The following FER variants were observed in gnomAD, a reference collection of about 807,000 sequenced individuals.
FER encodes FER tyrosine kinase, also known as tyrosine-protein kinase Fer.
FER carries 63 observed loss-of-function variants against 111.0 expected under a neutral mutation model. The observed-to-expected ratio is 0.57, with a 90% CI of 0.46 to 0.70. The LOEUF is 0.70. Among genes scored for constraint, FER ranks in the 30% least tolerant of loss-of-function variants. The pLI, the probability that FER is intolerant of heterozygous loss-of-function variation, is 0.00. For synonymous variants in FER, 327 were observed against 313.9 expected (o/e 1.04, Z -0.44); for missense variants, 914 against 954.0 (o/e 0.96, Z 0.55).
intron 2 of FER, chr5:108,785,508 C>A (rs565572710): frequency 2.4e-4 from 138 of 564,380 alleles, no homozygotes; most frequent in African/African-American, 2.3e-3. Context: ...GCTGGCTACA[C>A]AGACAACCTG....
chr5:109,098,135 C>A (rs1340460758), intron 16 of FER, among the ~76,000 whole-genome samples: 1 of 151,754 alleles, frequency 6.6e-6, no homozygotes, highest in African/African-American at 2.4e-5. Flanking sequence ...TTGTCTATAG[C>A]TCTGCTTTCC....
At chr5:108,928,433 A>G (rs1754090769) in intron 10 of FER, among the ~76,000 whole-genome samples, 1 of 152,240 alleles carries the variant, frequency 6.6e-6, no homozygotes, top group African/African-American at 2.4e-5. Flanking sequence ...TGACAATAGT[A>G]TTTATGAAAA....
intron 16 of FER, among the ~76,000 whole-genome samples, chr5:109,072,199 G>A (rs1358112230): frequency 6.6e-6 from 1 of 150,844 alleles, no homozygotes; most frequent in Non-Finnish European, 1.5e-5. Context: ...ATTTTTTTCT[G>A]TGCTACCTGA....
chr5:108,885,684 C>T (rs1187194963), intron 9 of FER, among the ~76,000 whole-genome samples: 2 of 151,762 alleles, frequency 1.3e-5, no homozygotes, highest in African/African-American at 4.8e-5. Context: ...ACCTTCATGA[C>T]TTAATTACCT....
chr5:108,937,549 A>G (rs574243593), intron 10 of FER, among the ~76,000 whole-genome samples: 2 of 152,076 alleles, frequency 1.3e-5, no homozygotes, highest in East Asian at 3.9e-4. Context: ...AGAAACCTGG[A>G]ATCAGTAGAG....
chr5:109,085,257 A>G (rs1212508118), intron 16 of FER, among the ~76,000 whole-genome samples: 1 of 151,802 alleles, frequency 6.6e-6, no homozygotes, highest in Admixed American at 6.6e-5. Context: ...GATATTTTGT[A>G]CTTATCAGTA....
At chr5:108,802,315 T>C (rs528552520) in intron 3 of FER, among the ~76,000 whole-genome samples, 72 of 152,310 alleles carry the variant, frequency 4.7e-4, no homozygotes, top group African/African-American at 1.7e-3. Flanking sequence ...GTATTGGGTC[T>C]TTCAATAAAT....
intron 1 of FER, among the ~76,000 whole-genome samples, chr5:108,753,472 A>G (rs112472930): frequency 0.067 from 10,228 of 151,994 alleles, 431 homozygotes; most frequent in South Asian, 0.093. Flanking sequence ...TGGATTCCTG[A>G]TTTATTTTTC....
intron 5 of FER, among the ~76,000 whole-genome samples, chr5:108,846,029 T>C (rs757004330): frequency 2.6e-5 from 4 of 152,200 alleles, no homozygotes; most frequent in East Asian, 1.9e-4. Flanking sequence ...ATTTGCTAAG[T>C]TTTTGTTTAT....
chr5:108,987,599 C>T (rs1011836686), intron 13 of FER, among the ~76,000 whole-genome samples: 2 of 152,102 alleles, frequency 1.3e-5, no homozygotes, highest in Non-Finnish European at 2.9e-5. Flanking sequence ...AGCTTGGTTG[C>T]TGTTGGTGTG....
Position 109,194,793 on chromosome 5 carries a change from C to CA in FER, c.*7219dup, listed in dbSNP as rs1184231204. 1 of 151,070 alleles carries CA rather than the reference C, an allele frequency of 6.6e-6. No individual in the cohort carries two copies. Among genetic ancestry groups the CA allele is most frequent in the African/African-American group, 2.4e-5 (1 of 41,348 alleles). The allele number at this position is 151,070 out of a possible 1,614,324, so 9.4% of individuals were successfully genotyped here. On this transcript the variant is annotated 3_prime_UTR_variant, in exon 20 of 20. Coordinates refer to ENST00000281092, the MANE Select transcript of FER (RefSeq NM_005246.4). The stretch of plus-strand genomic sequence containing the variant: ...GCAAAAAACTGAGCAGGAAAGGAAA[C>CA]AGAATCCAAAGTCATTTTTCATATA...
chr5:109,173,497 T>C (rs1247458088), intron 17 of FER, among the ~76,000 whole-genome samples: 2 of 152,250 alleles, frequency 1.3e-5, no homozygotes, highest in Non-Finnish European at 2.9e-5. Context: ...ACAAATTTTT[T>C]TATAAGTTAT....
At chr5:108,954,631 G>A (rs1758192301) in intron 11 of FER, 98 bp from the exon 12 acceptor site, 3 of 903,446 alleles carry the variant, frequency 3.3e-6, no homozygotes, top group Non-Finnish European at 4.8e-6. Context: ...TTAAAGGGAG[G>A]AACATTTGTA....
intron 5 of FER, among the ~76,000 whole-genome samples, chr5:108,855,481 C>T (rs1282172737): frequency 6.6e-6 from 1 of 150,860 alleles, no homozygotes; most frequent in African/African-American, 2.4e-5. Context: ...ATTAGCCGGG[C>T]GCGGTGGTGG....
At chr5:108,956,916 A>G (rs1306320337) in intron 12 of FER, among the ~76,000 whole-genome samples, 1 of 151,658 alleles carries the variant, frequency 6.6e-6, no homozygotes, top group Non-Finnish European at 1.5e-5. Flanking sequence ...TGCCTACTGT[A>G]TTCTAATGAA....
chr5:108,818,798 C>T (rs1192064612), intron 3 of FER, among the ~76,000 whole-genome samples: 1 of 152,116 alleles, frequency 6.6e-6, no homozygotes. Flanking sequence ...TAGCTTCTCA[C>T]AGAGCATGTC....
At chr5:108,869,384 G>T (rs1037299763) in intron 6 of FER, among the ~76,000 whole-genome samples, 4 of 152,114 alleles carry the variant, frequency 2.6e-5, no homozygotes, top group African/African-American at 7.2e-5. Flanking sequence ...GGAATGTAGT[G>T]ATTTGAAGAA....
chr5:108,845,067 T>C (rs28840506), intron 5 of FER, among the ~76,000 whole-genome samples: 4,084 of 53,164 alleles, frequency 0.077, 217 homozygotes, highest in African/African-American at 0.16. Context: ...TATATATATA[T>C]ACACACACAC....
At position 108,818,438 on chromosome 5, in the gene FER, C is replaced by CA. The variant is rs1258861982; in HGVS notation, c.208-14324dup. 6.0e-5 allele frequency among the ~76,000 whole-genome samples: 9 copies of CA among 149,866 alleles called. No homozygotes were observed. In the East Asian group the frequency reaches 7.8e-4, roughly 13 times the overall value. On this transcript the variant is annotated intron_variant, in intron 3 of 19. Coordinates refer to ENST00000281092, the MANE Select transcript of FER (RefSeq NM_005246.4). Reference sequence around the variant, plus strand: ...CTGGGTGACAGAGCAAGACTTTCTCCAAAAAAAAGATAAAAAGAATAAATC... The same window carrying CA: ...CTGGGTGACAGAGCAAGACTTTCTCCAAAAAAAAAGATAAAAAGAATAAATC...
Sources: allele counts gnomAD v4.1 joint callset (sites outside exome capture counted in the v4.1 genomes callset), GRCh38; gene constraint gnomAD v4.1.1; transcripts MANE v1.5; gene names NCBI Gene and HGNC (gene_info 2026-07-23, HGNC 2026-07-21).